Variants in CFAP74 observed in about 807,000 individuals in gnomAD.
CFAP74 encodes cilia and flagella associated protein 74.
Under a neutral mutation model 188.9 loss-of-function variants are expected in CFAP74, and 124 were observed. That is an observed-to-expected ratio of 0.66 (90% CI 0.57 to 0.76). The LOEUF (loss-of-function observed/expected upper bound fraction) is 0.76, where lower values mean the gene tolerates loss of function less well. Among genes scored for constraint, CFAP74 ranks in the 30% least tolerant of loss-of-function variants. The pLI, the probability that CFAP74 is intolerant of heterozygous loss-of-function variation, is 0.00. For missense variants in CFAP74, 2,198 were observed against 2,165.2 expected, an observed-to-expected ratio of 1.02 and a Z score of -0.30; for synonymous variants, 956 against 916.7, an observed-to-expected ratio of 1.04 and a Z score of -0.77.
At position 1,926,953 on chromosome 1, in the gene CFAP74, G is replaced by A. The variant is rs1355260658; in HGVS notation, c.3603C>T (p.Pro1201=). The A allele has an allele frequency of 1.3e-6, 2 of 1,550,178 alleles. No individual in the cohort carries two copies. The highest frequency in any genetic ancestry group is 1.7e-6 in the Non-Finnish European group (2 of 1,146,908). The change falls in exon 29 of 39, where the codon CCC becomes CCT. Residue 1201 remains proline (P), a synonymous_variant. Coordinates refer to ENST00000682832, the MANE Select transcript of CFAP74 (RefSeq NM_001304360.2). The stretch of plus-strand genomic sequence containing the variant: ...TGATGTCGCCACTGGCAACAACACA[G>A]GGAACTACAAATGTGTCAAACTTCG... The part of the protein sequence containing the change: ...FQAKFDTFVV[P]CVVASGDIKD...
chr1:1,971,021 TCACACATG>T (rs1194060357), intron 9 of CFAP74, among the ~76,000 whole-genome samples: 4 of 123,824 alleles, frequency 3.2e-5, no homozygotes, highest in Admixed American at 8.3e-5. Flanking sequence ...CATGCACACA[TCACACATG>T]CACACCTGCA....
At chr1:1,998,458 G>A (rs1658027827) in intron 1 of CFAP74, among the ~76,000 whole-genome samples, 1 of 152,178 alleles carries the variant, frequency 6.6e-6, no homozygotes, top group Admixed American at 6.5e-5. Context: ...GGTAATGGGA[G>A]AGGAATGCTG....
rs749722089 is a variant in CFAP74 at position 1,955,423 on chromosome 1, C to T, written c.2176+268G>A. 1.2e-5 allele frequency: 17 copies of T among 1,474,620 alleles called. No homozygotes were observed. The Admixed American group carries it at 1.3e-4, about 12-fold the overall frequency. 91.3% of individuals were successfully genotyped at this position (1,474,620 alleles called of 1,614,324 possible). On this transcript the variant is annotated intron_variant, in intron 18 of 38. Coordinates refer to ENST00000682832, the MANE Select transcript of CFAP74 (RefSeq NM_001304360.2). ...AGAGCCTCTTCCCCGCCCTGTGCGG[C>T]TCCGCCCGTGCTGGGCCTGCTGGGC... is the stretch of plus-strand genomic sequence containing the variant.
chr1:1,923,189 G>C lies in CFAP74; in HGVS notation c.4523-44C>G. ...GGGAGCTGTTCAGGGTCAGGCTGAG[G>C]CATGGGGTGAGGCTGCAGCTGGACT... On this transcript the variant is annotated intron_variant, in intron 36 of 38. Transcript: ENST00000682832. The surrounding 1 kb of genome is among the most constrained non-coding windows in gnomAD (Gnocchi z 6.3). 6.4e-7 allele frequency: 1 copy of C among 1,563,784 alleles called. No homozygotes were observed. Among genetic ancestry groups the C allele is most frequent in the Non-Finnish European group, 8.6e-7 (1 of 1,157,042 alleles).
chr1:1,955,973 T>C, intron 17 of CFAP74, 123 bp from the exon 18 acceptor site: 1 of 1,442,120 alleles, frequency 6.9e-7, no homozygotes, highest in African/African-American at 1.4e-5. Context: ...GCGTGGCCCC[T>C]CAGCTGCCTC....
chr1:1,955,257 G>A, intron 18 of CFAP74: 1 of 1,292,700 alleles, frequency 7.7e-7, no homozygotes, highest in Non-Finnish European at 1.0e-6. Flanking sequence ...GATGGCGGCG[G>A]GCTGCAGGGC....
rs889596459 is a variant in CFAP74, at chr1:1,984,463, G to A, written c.500+923C>T. ...CAGTTGTCAAAGGAGTGTCGCAGGG[G>A]ACAGTGTTCTCCACGCTCAGCCACA... is the stretch of plus-strand genomic sequence containing the variant. On this transcript the variant is annotated intron_variant, in intron 6 of 38. Transcript: ENST00000682832. The A allele has an allele frequency of 2.0e-5, 3 of 152,308 alleles. No individual in the cohort carries two copies. The East Asian group carries it at 5.8e-4, about 29-fold the overall frequency. 9.4% of individuals were successfully genotyped at this position (152,308 alleles called of 1,614,324 possible).
intron 5 of CFAP74, 125 bp downstream of exon 5, chr1:1,986,812 C>G: frequency 1.3e-6 from 1 of 741,910 alleles, no homozygotes; most frequent in Non-Finnish European, 2.2e-6. Flanking sequence ...GTGTTGTGGC[C>G]TCACACTGGG....
At chr1:1,929,983 G>T in intron 26 of CFAP74, 77 bp downstream of exon 26, 1 of 1,420,004 alleles carries the variant, frequency 7.0e-7, no homozygotes, top group Non-Finnish European at 9.3e-7. Flanking sequence ...AGGGTGGGCA[G>T]AGCCAGACAC....
At chr1:1,978,246 G>C (rs1413773983) in intron 6 of CFAP74, among the ~76,000 whole-genome samples, 1 of 152,206 alleles carries the variant, frequency 6.6e-6, no homozygotes, top group African/African-American at 2.4e-5. Context: ...AGCACCGAGG[G>C]GCACTCCGGA....
At position 1,928,814 on chromosome 1, in the gene CFAP74, T is replaced by C. The variant is rs1248651356; in HGVS notation, c.3357A>G (p.Pro1119=). The change falls in exon 27 of 39, where the codon CCA becomes CCG. Residue 1119 remains proline, a synonymous_variant. Transcript: ENST00000682832. The part of the protein sequence containing the change: ...PEKLIRQEAL[P]LLNKEMETKS... ...TGGTCTCCATTTCTTTGTTCAGGAG[T>C]GGGAGGGCTTCCTGGCGGATCAGCT... 1.3e-6 allele frequency: 2 copies of C among 1,535,494 alleles called. No individual in the cohort carries two copies. The highest frequency in any genetic ancestry group is 1.4e-5 in the African/African-American group (1 of 73,116).
intron 1 of CFAP74, among the ~76,000 whole-genome samples, chr1:1,994,124 C>G (rs1201615569): frequency 6.7e-6 from 1 of 149,420 alleles, no homozygotes; most frequent in Non-Finnish European, 1.5e-5. Context: ...GTGATTGTGC[C>G]ACTGCAGGCC....
At chr1:1,933,920 A>G (rs1287038460) in intron 25 of CFAP74, among the ~76,000 whole-genome samples, 1 of 152,314 alleles carries the variant, frequency 6.6e-6, no homozygotes, top group Non-Finnish European at 1.5e-5. Flanking sequence ...TTAGAACTAG[A>G]AGCTTCCCAC....
At chr1:1,949,489 A>AT (rs146273737) in intron 18 of CFAP74, among the ~76,000 whole-genome samples, 258 of 149,680 alleles carry the variant, frequency 1.7e-3, no homozygotes, top group African/African-American at 5.4e-3. Flanking sequence ...TGTGTGAGTG[A>AT]TTTTTTTTTT....
chr1:1,966,571 A>T lies in CFAP74; in HGVS notation c.1246-45T>A, dbSNP rs541494332. 96 of 1,426,656 alleles carry T rather than the reference A, an allele frequency of 6.7e-5. No homozygotes were observed. In the East Asian group the frequency reaches 2.4e-3, roughly 36 times the overall value. 88.4% of individuals were successfully genotyped at this position (1,426,656 alleles called of 1,614,324 possible). ...CATCGCAAAGACACGCTCATGACAG[A>T]GAACAGGGAAGAGAAACTCGGCCCA... On this transcript the variant is annotated intron_variant, in intron 11 of 38. Coordinates refer to ENST00000682832, the MANE Select transcript of CFAP74 (RefSeq NM_001304360.2).
rs182783573 is a variant in CFAP74 at position 1,964,703 on chromosome 1, T to C, written c.1575+185A>G. Among the ~76,000 whole-genome samples, 697 of 152,314 alleles carry C rather than the reference T, an allele frequency of 4.6e-3. 4 individuals carry two copies. The highest frequency in any genetic ancestry group is 0.016 in the African/African-American group (660 of 41,568). On this transcript the variant is annotated intron_variant, in intron 13 of 38. Coordinates refer to ENST00000682832, the MANE Select transcript of CFAP74 (RefSeq NM_001304360.2). ...TACTCGGGAGGCTGAGGCAGGAGAATCGCTTGAACCCAGGAGGCGGAGGTT... is the reference window on the plus strand; with the variant it reads ...TACTCGGGAGGCTGAGGCAGGAGAACCGCTTGAACCCAGGAGGCGGAGGTT...
intron 16 of CFAP74, among the ~76,000 whole-genome samples, chr1:1,957,770 G>C (rs915766255): frequency 3.5e-5 from 5 of 144,848 alleles, no homozygotes; most frequent in African/African-American, 1.4e-4. Context: ...TGTCTGCGGG[G>C]GGGCGGGGGA....
rs1242856918 is a variant in CFAP74, at chr1:1,944,444, G to A, written c.2373C>T (p.Phe791=). Residue 791 remains phenylalanine, a synonymous_variant, in exon 21 of 39, where the codon TTC becomes TTT. Coordinates refer to ENST00000682832, the MANE Select transcript of CFAP74 (RefSeq NM_001304360.2). ...CATCGATGGCCACGCCCACGACCCT[G>A]AAATGCAGCTGCATATGGACACAGG... ...FKNPQCPTLH[F]RVVGVAIDVP... is the part of the protein sequence containing the mutation. 3.3e-6 allele frequency: 5 copies of A among 1,536,082 alleles called. No individual in the cohort carries two copies. The South Asian group carries it at 3.6e-5, about 11-fold the overall frequency.
chr1:1,961,567 G>A lies in CFAP74; in HGVS notation c.1695-1537C>T, dbSNP rs77258764. 3.3e-3 allele frequency among the ~76,000 whole-genome samples: 499 copies of A among 152,160 alleles called. 2 individuals are homozygous for A. Among genetic ancestry groups the A allele is most frequent in the Admixed American group, 8.0e-3 (122 of 15,276 alleles). On this transcript the variant is annotated intron_variant, in intron 14 of 38. Coordinates refer to ENST00000682832, the MANE Select transcript of CFAP74 (RefSeq NM_001304360.2). ...ATGCCTCGGTGGCTGAGAGCACAGC[G>A]ACCACCTAAACCCACCTCTGCACGC...
Sources: gnomAD v4.1 joint callset for allele counts (sites outside exome capture counted in the v4.1 genomes callset) on GRCh38, gnomAD v4.1.1 for gene constraint, Gnocchi (gnomAD v3.1) non-coding constraint, MANE v1.5 for transcripts, NCBI Gene and HGNC (gene_info 2026-07-23, HGNC 2026-07-21) for gene names.